ZMAT1: variants seen among roughly 807,000 people sequenced by gnomAD.
The protein encoded by ZMAT1 is zinc finger matrin-type 1, also known as zinc finger matrin-type protein 1.
A neutral mutation model predicts 18.5 loss-of-function variants in ZMAT1; 11 were observed. The ratio of observed to expected loss-of-function variants is 0.59; its 90% CI spans 0.37 to 0.98. The LOEUF (loss-of-function observed/expected upper bound fraction) is 0.98. Among genes scored for constraint, ZMAT1 ranks in the 50% least tolerant of loss-of-function variants. The pLI is 0.01. For synonymous variants in ZMAT1, 211 were observed against 176.4 expected, an observed-to-expected ratio of 1.20 and a Z score of -1.55; for missense variants, 525 against 496.2, an observed-to-expected ratio of 1.06 and a Z score of -0.55.
At position 101,898,798 on chromosome X, in the gene ZMAT1, C is replaced by G. The variant is rs1222944780; in HGVS notation, c.400-578G>C. ...AGACGTGGTGGCTCACGCCTGTAAT[C>G]CCAGCACTTTGCGAGGCTGAGGTGG... On this transcript the variant is annotated intron_variant, in intron 2 of 5. Transcript: ENST00000651725. Among the ~76,000 whole-genome samples the G allele has an allele frequency of 3.6e-5, 4 of 111,890 alleles. No homozygotes were observed. In the East Asian group the frequency reaches 1.1e-3, roughly 31 times the overall value.
At position 101,931,983 on chromosome X, in the gene ZMAT1, G is replaced by C. The variant is rs1253421292; in HGVS notation, c.26C>G (p.Thr9Ser). 1 of 770,370 alleles carries C rather than the reference G, an allele frequency of 1.3e-6. No individual in the cohort carries two copies. The highest frequency in any genetic ancestry group is 1.5e-4 in the East Asian group (1 of 6,689). 63.5% of individuals were successfully genotyped at this position (770,370 alleles called of 1,213,427 possible). Residue 9 changes from threonine (T) to serine (S), a missense_variant, in exon 1 of 6, where the codon ACC becomes AGC. Thr to Ser is a moderately conservative substitution (Grantham distance 58). Transcript: ENST00000651725. MAAAPSTVTPLAAESSPQE... is the reference protein window; with the variant it reads MAAAPSTVSPLAAESSPQE... ...AGGGGAAGACTCCGCCGCCAGCGGG[G>C]TGACTGTGCTCGGCGCCGCCGCCAT...
intron 1 of ZMAT1, among the ~76,000 whole-genome samples, chrX:101,920,754 G>C (rs1175333887): frequency 9.0e-6 from 1 of 111,723 alleles, no homozygotes; most frequent in African/African-American, 3.3e-5. Context: ...AATCAATCAG[G>C]GTTTTCTATC....
Position 101,884,765 on chromosome X carries a change from T to C in ZMAT1, c.833A>G (p.Gln278Arg). ...ATTGATGTAATCTGCACACTCATTT[T>C]GGTAAGAGTCTTGTGTCTTCCTTGA... The part of the protein sequence containing the change: ...KNSRKTQDSY[Q>R]NECADYINVQ... The change falls in exon 6 of 6, where the codon CAA becomes CGA. Residue 278 changes from glutamine (Q) to arginine (R), a missense_variant. Coordinates refer to ENST00000651725, the MANE Select transcript of ZMAT1 (RefSeq NM_001394560.1). 1 of 1,209,898 alleles carries C rather than the reference T, an allele frequency of 8.3e-7. No individual in the cohort carries two copies. Among genetic ancestry groups the C allele is most frequent in the Non-Finnish European group, 1.1e-6 (1 of 893,897 alleles).
At chrX:101,912,012 G>A in intron 1 of ZMAT1, 1 of 1,180,753 alleles carries the variant, frequency 8.5e-7, no homozygotes, top group Non-Finnish European at 1.2e-6. Context: ...TGCAGGGACT[G>A]TGGAAAGGCC....
intron 1 of ZMAT1, among the ~76,000 whole-genome samples, chrX:101,926,408 A>C (rs946127801): frequency 8.0e-5 from 9 of 112,493 alleles, no homozygotes; most frequent in Non-Finnish European, 1.1e-4. Flanking sequence ...CTGCATTCAA[A>C]AGTGCAGCTG....
At chrX:101,915,557 C>T (rs1929264598) in intron 1 of ZMAT1, 1 of 111,733 alleles carries the variant, frequency 8.9e-6, no homozygotes, top group Non-Finnish European at 1.9e-5. Flanking sequence ...CAACAATGAA[C>T]AATCTGAAAA....
chrX:101,910,985 T>G (rs776122967), intron 1 of ZMAT1, among the ~76,000 whole-genome samples: 7 of 110,063 alleles, frequency 6.4e-5, no homozygotes, highest in Non-Finnish European at 1.3e-4. Context: ...CATTTAATAA[T>G]CAAGTACCCA....
At position 101,883,374 on chromosome X, in the gene ZMAT1, C is replaced by CA. The variant is rs1307327056; in HGVS notation, c.*135dup. On this transcript the variant is annotated 3_prime_UTR_variant, in exon 6 of 6. Transcript: ENST00000651725. ...TTTTAATTCAATTTAAATTTTTATA[C>CA]AAAAAAAACCTAAGTGTCCTGAAGT... The CA allele has an allele frequency of 1.5e-4, 62 of 400,530 alleles. No individual in the cohort carries two copies. Among genetic ancestry groups the CA allele is most frequent in the Non-Finnish European group, 2.0e-4 (53 of 264,445 alleles). The allele number at this position is 400,530 out of a possible 1,213,427, so 33.0% of individuals were successfully genotyped here.
chrX:101,923,003 C>T (rs892454955), intron 1 of ZMAT1, among the ~76,000 whole-genome samples: 1 of 111,323 alleles, frequency 9.0e-6, no homozygotes, highest in Admixed American at 9.5e-5. Flanking sequence ...GGAACTAATG[C>T]TTACTGAGAA....
Position 101,883,762 on chromosome X carries a change from C to A in ZMAT1, c.1836G>T (p.Glu612Asp), listed in dbSNP as rs1926676092. ...TCTTTTTCCTTTTATGCTTGGACTG[C>A]TCTTTCTCTGGCCTTTCTTTGCCTT... is the stretch of plus-strand genomic sequence containing the variant. Reference protein sequence around the residue: ...LEEGKERPEKEQSKHKRKKSY... With the variant: ...LEEGKERPEKDQSKHKRKKSY... Residue 612 changes from glutamate (E) to aspartate (D), a missense_variant, in exon 6 of 6, where the codon GAG (glutamate) becomes GAT (aspartate). Transcript: ENST00000651725. 1 of 1,208,362 alleles carries A rather than the reference C, an allele frequency of 8.3e-7. No homozygotes were observed. The highest frequency in any genetic ancestry group is 1.1e-6 in the Non-Finnish European group (1 of 894,484).
intron 4 of ZMAT1, chrX:101,889,252 T>C (rs755276165): frequency 5.4e-5 from 6 of 111,664 alleles, no homozygotes; most frequent in Admixed American, 9.5e-5. Context: ...TCCTGGGGCC[T>C]GCCTCCATTC....
chrX:101,887,855 T>A (rs998080302), intron 4 of ZMAT1: 2 of 111,758 alleles, frequency 1.8e-5, no homozygotes, highest in East Asian at 5.6e-4. Context: ...CTGATTATAA[T>A]TGGTTTTTCA....
intron 2 of ZMAT1, among the ~76,000 whole-genome samples, chrX:101,900,977 AT>A (rs1928186316): frequency 9.0e-6 from 1 of 111,526 alleles, no homozygotes; most frequent in South Asian, 3.7e-4. Context: ...TGTGTCATCT[AT>A]GATTTCTTTC....
At chrX:101,897,818 CATG>C in intron 4 of ZMAT1, 47 bp downstream of exon 4, 1 of 1,128,311 alleles carries the variant, frequency 8.9e-7, no homozygotes, top group Non-Finnish European at 1.2e-6. Flanking sequence ...TTAGACAAAA[CATG>C]ATAGGTAGAT....
chrX:101,897,344 T>TG (rs1206062169), intron 4 of ZMAT1, among the ~76,000 whole-genome samples: 78 of 28,295 alleles, frequency 2.8e-3, no homozygotes, highest in South Asian at 6.3e-3. Context: ...TGTTGTGGGG[T>TG]GGGGGGAGGG....
chrX:101,919,190 G>A (rs1008845902), intron 1 of ZMAT1, among the ~76,000 whole-genome samples: 3 of 110,922 alleles, frequency 2.7e-5, no homozygotes, highest in African/African-American at 9.8e-5. Context: ...AGTGTCTTGG[G>A]TATCATATAA....
At chrX:101,922,403 T>C (rs1189731169) in intron 1 of ZMAT1, among the ~76,000 whole-genome samples, 1 of 109,909 alleles carries the variant, frequency 9.1e-6, no homozygotes, top group African/African-American at 3.3e-5. Flanking sequence ...GCCTTTTTTT[T>C]TTTTTCCTGA....
chrX:101,899,916 C>T (rs1331835964), intron 2 of ZMAT1, among the ~76,000 whole-genome samples: 2 of 111,824 alleles, frequency 1.8e-5, no homozygotes, highest in Non-Finnish European at 3.8e-5. Flanking sequence ...TTTATATTAC[C>T]ACCAGCAGTG....
chrX:101,913,480 G>A (rs1188849855), intron 1 of ZMAT1, among the ~76,000 whole-genome samples: 1 of 111,568 alleles, frequency 9.0e-6, no homozygotes, highest in East Asian at 2.8e-4. Flanking sequence ...GACTGAAAAT[G>A]AAAGGATAGA....
Sources: gnomAD v4.1 joint callset for allele counts (sites outside exome capture counted in the v4.1 genomes callset) on GRCh38, gnomAD v4.1.1 for gene constraint, MANE v1.5 for transcripts, NCBI Gene and HGNC (gene_info 2026-07-23, HGNC 2026-07-21) for gene names.